The following ASAH2 variants were observed in gnomAD, a reference collection of about 807,000 sequenced individuals.
The protein encoded by ASAH2 is neutral ceramidase.
Under a neutral mutation model 82.9 loss-of-function variants are expected in ASAH2, and 58 were observed. That is an observed-to-expected ratio of 0.70 (90% CI 0.57 to 0.87). The LOEUF is 0.87. Among genes scored for constraint, ASAH2 ranks in the 40% least tolerant of loss-of-function variants. The pLI is 0.00. For missense variants in ASAH2, 779 were observed against 834.0 expected, an observed-to-expected ratio of 0.93 and a Z score of 0.81; for synonymous variants, 276 against 289.7, an observed-to-expected ratio of 0.95 and a Z score of 0.48.
At position 50,238,972 on chromosome 10, in the gene ASAH2, A is replaced by C. The variant is rs1031640744; in HGVS notation, c.511-2908T>G. On this transcript the variant is annotated intron_variant, in intron 4 of 20. Coordinates refer to ENST00000682911, the MANE Select transcript of ASAH2 (RefSeq NM_019893.4). ...AACAATGCCAGGAAGATAACCATTA[A>C]AAATAACGTGTTTCCCAGTTCATGA... 4.6e-3 allele frequency among the ~76,000 whole-genome samples: 696 copies of C among 152,322 alleles called. 4 individuals are homozygous for C. Among genetic ancestry groups the C allele is most frequent in the Non-Finnish European group, 6.2e-3 (425 of 68,016 alleles).
chr10:50,248,700 T>C, intron 1 of ASAH2, 54 bp from the exon 2 acceptor site: 1 of 1,323,978 alleles, frequency 7.6e-7, no homozygotes, highest in South Asian at 1.4e-5. Flanking sequence ...CCAACCGAGG[T>C]TAAGATATCT....
chr10:50,219,583 T>TA (rs1217286803), intron 7 of ASAH2, among the ~76,000 whole-genome samples: 17 of 151,564 alleles, frequency 1.1e-4, no homozygotes, highest in African/African-American at 2.9e-4. Flanking sequence ...ACTTAGAATT[T>TA]AAAAAAAAAA....
intron 2 of ASAH2, among the ~76,000 whole-genome samples, chr10:50,246,334 C>T (rs1208260730): frequency 6.6e-6 from 1 of 152,144 alleles, no homozygotes; most frequent in East Asian, 1.9e-4. Context: ...TGAACAATAA[C>T]TATGTTCACT....
chr10:50,207,546 C>T (rs947988789), intron 12 of ASAH2, among the ~76,000 whole-genome samples: 11 of 150,654 alleles, frequency 7.3e-5, no homozygotes, highest in East Asian at 5.8e-4. Context: ...AGTAGTTGTA[C>T]GCTAACAAAT....
At chr10:50,205,908 AT>A in intron 13 of ASAH2, 73 bp downstream of exon 13, 1 of 1,160,924 alleles carries the variant, frequency 8.6e-7, no homozygotes, top group South Asian at 1.2e-5. Flanking sequence ...GATATCTACC[AT>A]TCATTACCTG....
intron 6 of ASAH2, among the ~76,000 whole-genome samples, chr10:50,233,522 AT>A (rs1325125590): frequency 2.0e-5 from 3 of 152,156 alleles, no homozygotes; most frequent in Non-Finnish European, 4.4e-5. Context: ...ACAATATTAT[AT>A]AACATATATG....
In ASAH2 at chr10:50,239,828, A is replaced by ATTTTTTTT. The variant is rs1208518684; in HGVS notation, c.510+3366_510+3373dup. Reference sequence around the variant, plus strand: ...TATTCATCTCCAAATCTCACATTTAATTTTTTTTTTTTTTTTTTTGAGTCA... The same window carrying ATTTTTTTT: ...TATTCATCTCCAAATCTCACATTTAATTTTTTTTTTTTTTTTTTTTTTTTTTTGAGTCA... On this transcript the variant is annotated intron_variant, in intron 4 of 20. Coordinates refer to ENST00000682911, the MANE Select transcript of ASAH2 (RefSeq NM_019893.4). Among the ~76,000 whole-genome samples, 25 of 120,654 alleles carry ATTTTTTTT rather than the reference A, an allele frequency of 2.1e-4. 1 individual carries two copies. The highest frequency in any genetic ancestry group is 3.0e-4 in the Non-Finnish European group (18 of 59,606). 79.2% of individuals were successfully genotyped at this position (120,654 alleles called of 152,430 possible).
intron 2 of ASAH2, among the ~76,000 whole-genome samples, chr10:50,247,095 ACCTCCC>A (rs1319040241): frequency 3.3e-5 from 5 of 152,256 alleles, no homozygotes; most frequent in African/African-American, 1.2e-4. Context: ...ATTAATAATA[ACCTCCC>A]TGAGTCTCAG....
At chr10:50,225,830 A>G (rs1360978674) in intron 7 of ASAH2, among the ~76,000 whole-genome samples, 4 of 152,136 alleles carry the variant, frequency 2.6e-5, no homozygotes, top group Non-Finnish European at 5.9e-5. Flanking sequence ...GTGGCTCACA[A>G]TTGTAATCTC....
chr10:50,233,338 G>A, intron 6 of ASAH2, 77 bp from the exon 7 acceptor site: 1 of 1,095,494 alleles, frequency 9.1e-7, no homozygotes, highest in Non-Finnish European at 1.4e-6. Flanking sequence ...AGTAGCAGCT[G>A]ACACAAAAAC....
In ASAH2 at chr10:50,200,661, A is replaced by G. The variant is rs1342347054; in HGVS notation, c.1762-1515T>C. On this transcript the variant is annotated intron_variant, in intron 16 of 20. Coordinates refer to ENST00000682911, the MANE Select transcript of ASAH2 (RefSeq NM_019893.4). ...TTTTCTGTCTTCCTACTAGACCCCC[A>G]GCTTCCAGTGATCTTGAGGGAAGGG... is the stretch of plus-strand genomic sequence containing the variant. Among the ~76,000 whole-genome samples the G allele has an allele frequency of 1.5e-3, 231 of 152,122 alleles. 3 individuals are homozygous for G. In the South Asian group the frequency reaches 0.021, roughly 14 times the overall value.
At chr10:50,220,580 A>G (rs2813315) in intron 7 of ASAH2, among the ~76,000 whole-genome samples, 116,457 of 151,860 alleles carry the variant, frequency 0.77, 46,473 homozygotes, top group Non-Finnish European at 0.88. Flanking sequence ...GGAACTGAAT[A>G]ATGAGAACAC....
chr10:50,237,216 C>T (rs966376556), intron 4 of ASAH2, among the ~76,000 whole-genome samples: 8 of 152,104 alleles, frequency 5.3e-5, no homozygotes, highest in Non-Finnish European at 1.0e-4. Context: ...TGCCTTGAAA[C>T]GAACTCTTAG....
At position 50,210,858 on chromosome 10, in the gene ASAH2, G is replaced by A; in HGVS notation, c.1379C>T (p.Thr460Ile). Reference sequence around the variant, plus strand: ...ATTGAGGCCTCCAACTCCATCAATAGTGCCAGCTGCAAAACTGTAGCCCAA... The same window carrying A: ...ATTGAGGCCTCCAACTCCATCAATAATGCCAGCTGCAAAACTGTAGCCCAA... Reference protein sequence around the residue: ...PALGYSFAAGTIDGVGGLNFT... With the variant: ...PALGYSFAAGIIDGVGGLNFT... Residue 460 changes from threonine to isoleucine, a missense_variant, in exon 12 of 21, where the codon ACT becomes ATT. Transcript: ENST00000682911. The A allele has an allele frequency of 6.2e-7, 1 of 1,613,622 alleles. No homozygotes were observed. The highest frequency in any genetic ancestry group is 8.5e-7 in the Non-Finnish European group (1 of 1,179,596).
chr10:50,206,890 T>A (rs1845313585), intron 12 of ASAH2, among the ~76,000 whole-genome samples: 1 of 151,918 alleles, frequency 6.6e-6, no homozygotes, highest in Non-Finnish European at 1.5e-5. Context: ...TACATTCTTC[T>A]CACGTGCACA....
In ASAH2 at chr10:50,234,494, T is replaced by G; in HGVS notation, c.746A>C (p.Asn249Thr). Reference protein sequence around the residue: ...KPGKIFINKGNVDGVQINRSP... With the variant: ...KPGKIFINKGTVDGVQINRSP... ...TCTGTTGATCTGCACACCATCCACATTTCCTTTATTGATGAAGATTTTGCC... is the reference window on the plus strand; with the variant it reads ...TCTGTTGATCTGCACACCATCCACAGTTCCTTTATTGATGAAGATTTTGCC... The change falls in exon 6 of 21, where the codon AAT becomes ACT. Residue 249 changes from asparagine (N) to threonine (T), a missense_variant. Asn to Thr is a moderately conservative substitution (Grantham distance 65). Coordinates refer to ENST00000682911, the MANE Select transcript of ASAH2 (RefSeq NM_019893.4). The G allele has an allele frequency of 6.2e-7, 1 of 1,613,096 alleles. No homozygotes were observed. Among genetic ancestry groups the G allele is most frequent in the Non-Finnish European group, 8.5e-7 (1 of 1,179,296 alleles).
chr10:50,221,690 A>G (rs199818836), intron 7 of ASAH2, among the ~76,000 whole-genome samples: 45 of 104,950 alleles, frequency 4.3e-4, no homozygotes, highest in Admixed American at 1.9e-3. Context: ...ATAGATAGAT[A>G]GATGGATGGA....
intron 6 of ASAH2, among the ~76,000 whole-genome samples, chr10:50,233,598 C>T (rs1480070277): frequency 6.6e-6 from 1 of 151,996 alleles, no homozygotes; most frequent in Non-Finnish European, 1.5e-5. Flanking sequence ...TTAATGAAAT[C>T]TCTTTAAAAG....
intron 4 of ASAH2, among the ~76,000 whole-genome samples, chr10:50,240,708 G>C (rs1202186325): frequency 6.6e-6 from 1 of 152,120 alleles, no homozygotes; most frequent in South Asian, 2.1e-4. Flanking sequence ...GTGCCTCTCT[G>C]TGTTCATTCT....
Sources: allele counts gnomAD v4.1 joint callset (sites outside exome capture counted in the v4.1 genomes callset), GRCh38; gene constraint gnomAD v4.1.1; transcripts MANE v1.5; gene names NCBI Gene and HGNC (gene_info 2026-07-23, HGNC 2026-07-21).